SGCZ: variants seen among roughly 807,000 people sequenced by gnomAD.
The protein encoded by SGCZ is sarcoglycan zeta, also known as zeta-sarcoglycan.
Under a neutral mutation model 41.3 loss-of-function variants are expected in SGCZ, and 40 were observed. The observed-to-expected ratio is 0.97, with a 90% confidence interval of 0.75 to 1.26. SGCZ has a LOEUF of 1.26. Among genes scored for constraint, SGCZ ranks in the 50% most tolerant of loss-of-function variants. The pLI, the probability that SGCZ is intolerant of heterozygous loss-of-function variation, is 0.00. For missense variants in SGCZ, 552 were observed against 369.8 expected (o/e 1.49, Z -4.04); for synonymous variants, 206 against 137.5 (o/e 1.50, Z -3.49).
intron 1 of SGCZ, among the ~76,000 whole-genome samples, chr8:14,763,935 G>A (rs913003680): frequency 6.6e-6 from 1 of 152,208 alleles, no homozygotes; most frequent in Non-Finnish European, 1.5e-5. Flanking sequence ...TGTGATGTTG[G>A]ATTTGACTTG....
chr8:15,232,765 G>C (rs893269604), intron 1 of SGCZ, among the ~76,000 whole-genome samples: 6 of 142,012 alleles, frequency 4.2e-5, no homozygotes, highest in Non-Finnish European at 7.6e-5. Flanking sequence ...ATATATATGT[G>C]TGTATATATA....
At chr8:14,091,152 C>A (rs946983546) in intron 7 of SGCZ, among the ~76,000 whole-genome samples, 156 of 151,696 alleles carry the variant, frequency 1.0e-3, no homozygotes, top group African/African-American at 3.7e-3. Context: ...CATGTCCCTG[C>A]AAAGGACATG....
At chr8:14,782,962 T>A (rs1347071913) in intron 1 of SGCZ, among the ~76,000 whole-genome samples, 2 of 152,180 alleles carry the variant, frequency 1.3e-5, no homozygotes, top group African/African-American at 4.8e-5. Flanking sequence ...ATGCAGGCAA[T>A]AGATTAATGG....
chr8:14,334,360 T>A (rs1383772182), intron 2 of SGCZ, among the ~76,000 whole-genome samples: 1 of 152,030 alleles, frequency 6.6e-6, no homozygotes, highest in East Asian at 1.9e-4. Flanking sequence ...AACTGACATA[T>A]TTTTTTCCTC....
chr8:14,858,592 T>C (rs1321932734), intron 1 of SGCZ, among the ~76,000 whole-genome samples: 1 of 152,128 alleles, frequency 6.6e-6, no homozygotes, highest in Non-Finnish European at 1.5e-5. Context: ...GCCAGCACAA[T>C]TTTTTAAGAT....
At chr8:15,108,315 C>T (rs1048305259) in intron 1 of SGCZ, among the ~76,000 whole-genome samples, 2 of 152,090 alleles carry the variant, frequency 1.3e-5, no homozygotes, top group African/African-American at 4.8e-5. Flanking sequence ...AAATTTTTAT[C>T]AAACGCAGAG....
intron 3 of SGCZ, among the ~76,000 whole-genome samples, chr8:14,270,402 G>C (rs191476475): frequency 2.0e-5 from 3 of 151,974 alleles, no homozygotes; most frequent in Non-Finnish European, 2.9e-5. Flanking sequence ...TTTTTTCAGC[G>C]TATTTTGAGA....
At chr8:14,920,504 A>G in intron 1 of SGCZ, among the ~76,000 whole-genome samples, 1 of 152,210 alleles carries the variant, frequency 6.6e-6, no homozygotes, top group African/African-American at 2.4e-5. Context: ...CAATAAAAAT[A>G]ATAATAATTT....
At chr8:14,556,331 T>C (rs549157964) in intron 1 of SGCZ, among the ~76,000 whole-genome samples, 1 of 151,706 alleles carries the variant, frequency 6.6e-6, no homozygotes, top group East Asian at 1.9e-4. Flanking sequence ...CAAATAAAAA[T>C]AATATTAATA....
At chr8:15,176,587 T>A (rs1166709704) in intron 1 of SGCZ, among the ~76,000 whole-genome samples, 1 of 152,224 alleles carries the variant, frequency 6.6e-6, no homozygotes, top group Non-Finnish European at 1.5e-5. Context: ...TATTTTATGA[T>A]CAAACTCACC....
chr8:14,557,056 T>C (rs1319511410), intron 1 of SGCZ, among the ~76,000 whole-genome samples: 2 of 152,040 alleles, frequency 1.3e-5, no homozygotes, highest in African/African-American at 4.8e-5. Context: ...ACCAGTGGTG[T>C]AGAAGTATTC....
intron 2 of SGCZ, among the ~76,000 whole-genome samples, chr8:14,509,868 A>G (rs1802418483): frequency 1.3e-5 from 2 of 152,176 alleles, no homozygotes; most frequent in Non-Finnish European, 2.9e-5. Flanking sequence ...AGCCCCTTAT[A>G]AAACCATGAG....
intron 1 of SGCZ, among the ~76,000 whole-genome samples, chr8:15,225,724 G>C (rs1044102774): frequency 2.6e-5 from 4 of 152,152 alleles, no homozygotes; most frequent in African/African-American, 9.7e-5. Context: ...GACTTGCTTG[G>C]AGACTGGCTG....
intron 1 of SGCZ, among the ~76,000 whole-genome samples, chr8:15,201,745 AC>A (rs1800897227): frequency 6.6e-6 from 1 of 151,978 alleles, no homozygotes; most frequent in Non-Finnish European, 1.5e-5. Context: ...AACTGAACCT[AC>A]CCCCACCTTC....
intron 2 of SGCZ, among the ~76,000 whole-genome samples, chr8:14,375,839 A>T (rs1804101509): frequency 6.6e-6 from 1 of 152,230 alleles, no homozygotes; most frequent in Non-Finnish European, 1.5e-5. Context: ...AACCAATGGA[A>T]TCCAAAACAA....
intron 1 of SGCZ, among the ~76,000 whole-genome samples, chr8:14,767,659 T>C (rs1386893507): frequency 6.6e-6 from 1 of 152,178 alleles, no homozygotes; most frequent in Admixed American, 6.5e-5. Context: ...AATCTTAATA[T>C]AGCAGTTATT....
rs559141167 is a variant in SGCZ at position 15,145,636 on chromosome 8, T to C, written c.39+91949A>G. Among the ~76,000 whole-genome samples, 14 of 152,194 alleles carry C rather than the reference T, an allele frequency of 9.2e-5. No individual in the cohort carries two copies. In the South Asian group the frequency reaches 2.7e-3, roughly 29 times the overall value. On this transcript the variant is annotated intron_variant, in intron 1 of 7. Coordinates refer to ENST00000382080, the MANE Select transcript of SGCZ (RefSeq NM_139167.4). ...TACACACCATCTGATTTTCTTTTCT[T>C]CAGAGACAAGGTCTTACTATGTTTC...
At chr8:15,029,912 G>A (rs1803596740) in intron 1 of SGCZ, among the ~76,000 whole-genome samples, 1 of 151,944 alleles carries the variant, frequency 6.6e-6, no homozygotes, top group African/African-American at 2.4e-5. Context: ...AAGCAAGCAA[G>A]TGATCTGAAA....
At chr8:14,892,848 T>A (rs1805064301) in intron 1 of SGCZ, among the ~76,000 whole-genome samples, 1 of 152,188 alleles carries the variant, frequency 6.6e-6, no homozygotes, top group African/African-American at 2.4e-5. Flanking sequence ...GATCTCTATG[T>A]TCTCATCCAA....
Sources: gnomAD v4.1 joint callset for allele counts (sites outside exome capture counted in the v4.1 genomes callset) on GRCh38, gnomAD v4.1.1 for gene constraint, MANE v1.5 for transcripts, NCBI Gene and HGNC (gene_info 2026-07-23, HGNC 2026-07-21) for gene names.